The following VLDLR variants were observed in gnomAD, a reference collection of about 807,000 sequenced individuals.
VLDLR encodes the protein very low-density lipoprotein receptor.
Under a neutral mutation model 112.7 loss-of-function variants are expected in VLDLR, and 81 were observed. The ratio of observed to expected loss-of-function variants is 0.72; its 90% confidence interval spans 0.60 to 0.86. The LOEUF (loss-of-function observed/expected upper bound fraction) is 0.86. Among genes scored for constraint, VLDLR ranks in the 40% least tolerant of loss-of-function variants. The pLI, the probability that VLDLR is intolerant of heterozygous loss-of-function variation, is 0.00. For synonymous variants in VLDLR, 436 were observed against 384.8 expected (o/e 1.13, Z -1.56); for missense variants, 1,237 against 1,099.4 (o/e 1.13, Z -1.77).
intron 17 of VLDLR, 51 bp downstream of exon 17, chr9:2,652,005 T>G (rs112257609): frequency 6.3e-6 from 10 of 1,578,770 alleles, no homozygotes; most frequent in Non-Finnish European, 8.7e-6. Flanking sequence ...AGATACCAGA[T>G]GAAGATTTTT....
At chr9:2,649,138 C>A (rs1301669751) in intron 14 of VLDLR, among the ~76,000 whole-genome samples, 1 of 152,164 alleles carries the variant, frequency 6.6e-6, no homozygotes, top group Non-Finnish European at 1.5e-5. Flanking sequence ...TACAAGCTTT[C>A]TCTACTGTTA....
At chr9:2,637,835 C>G (rs948487889) in intron 2 of VLDLR, among the ~76,000 whole-genome samples, 7 of 152,122 alleles carry the variant, frequency 4.6e-5, no homozygotes, top group Non-Finnish European at 7.4e-5. Flanking sequence ...CCCAGCTACT[C>G]GGGAGGCTGA....
chr9:2,646,503 A>C lies in VLDLR; in HGVS notation c.1654A>C (p.Asn552His). 1 of 1,614,108 alleles carries C rather than the reference A, an allele frequency of 6.2e-7. No individual in the cohort carries two copies. Among genetic ancestry groups the C allele is most frequent in the East Asian group, 2.2e-5 (1 of 44,884 alleles). ...TGGAACCAAGAGGAAGTTCCTGTTT[A>C]ACTCTGACTTGCGAGAGCCTGCCTC... is the stretch of plus-strand genomic sequence containing the variant. ...LDGTKRKFLF[N>H]SDLREPASIA... Residue 552 changes from asparagine (N) to histidine (H), a missense_variant, in exon 11 of 19, where the codon AAC becomes CAC. Physicochemically the swap from Asn to His is moderately conservative, Grantham distance 68. Transcript: ENST00000382100.
intron 1 of VLDLR, among the ~76,000 whole-genome samples, chr9:2,633,293 T>A (rs1332474311): frequency 6.6e-6 from 1 of 152,174 alleles, no homozygotes; most frequent in Non-Finnish European, 1.5e-5. Flanking sequence ...TAGAATTTAT[T>A]ACTGTTGATA....
At position 2,659,046 on chromosome 9, in the gene VLDLR, C is replaced by G. The variant is rs1232972981; in HGVS notation, c.*5178C>G. 6.6e-6 allele frequency: 1 copy of G among 152,176 alleles called. No homozygotes were observed. Among genetic ancestry groups the G allele is most frequent in the Non-Finnish European group, 1.5e-5 (1 of 68,042 alleles). 9.4% of individuals were successfully genotyped at this position (152,176 alleles called of 1,614,324 possible). On this transcript the variant is annotated 3_prime_UTR_variant, in exon 19 of 19. Transcript: ENST00000382100. ...ATGGAAACAAATATTTGGGAGCCTGCATAGTCTTTAGATGGCTGCCAAAGC... is the reference window on the plus strand; with the variant it reads ...ATGGAAACAAATATTTGGGAGCCTGGATAGTCTTTAGATGGCTGCCAAAGC...
In VLDLR at chr9:2,654,951, G is replaced by C. The variant is rs1563771404; in HGVS notation, c.*1083G>C. On this transcript the variant is annotated 3_prime_UTR_variant, in exon 19 of 19. Transcript: ENST00000382100. ...GAGGATAGCAAGCAATGGCATTCTT[G>C]AACAGTCTAAGGCAGGTTTCTCAGT... 6.6e-6 allele frequency: 1 copy of C among 152,174 alleles called. No homozygotes were observed. Among genetic ancestry groups the C allele is most frequent in the Non-Finnish European group, 1.5e-5 (1 of 68,036 alleles). 9.4% of individuals were successfully genotyped at this position (152,174 alleles called of 1,614,324 possible).
intron 3 of VLDLR, among the ~76,000 whole-genome samples, chr9:2,640,588 T>C (rs1279520271): frequency 2.0e-5 from 3 of 152,182 alleles, no homozygotes; most frequent in Non-Finnish European, 4.4e-5. Context: ...TTTGGGATCA[T>C]ATAAATTGAG....
intron 15 of VLDLR, among the ~76,000 whole-genome samples, chr9:2,651,119 A>G (rs1489534039): frequency 6.6e-6 from 1 of 152,158 alleles, no homozygotes; most frequent in African/African-American, 2.4e-5. Context: ...TCTTGAGAAC[A>G]TTTCTCGTAG....
intron 1 of VLDLR, among the ~76,000 whole-genome samples, chr9:2,633,515 T>G (rs1054379627): frequency 1.3e-5 from 2 of 152,176 alleles, no homozygotes; most frequent in African/African-American, 4.8e-5. Flanking sequence ...TTTAAGTTGC[T>G]ATTCAAATCT....
chr9:2,632,810 G>C (rs1427823859), intron 1 of VLDLR, among the ~76,000 whole-genome samples: 1 of 152,276 alleles, frequency 6.6e-6, no homozygotes, highest in East Asian at 1.9e-4. Flanking sequence ...GAACTAGGGA[G>C]CACTTTCTGC....
intron 16 of VLDLR, 85 bp from the exon 17 acceptor site, chr9:2,651,789 A>G: frequency 1.4e-6 from 2 of 1,463,152 alleles, no homozygotes; most frequent in Non-Finnish European, 1.9e-6. Context: ...TATTGGATGC[A>G]AAGGTTTTGG....
chr9:2,633,408 A>C (rs1045116709), intron 1 of VLDLR, among the ~76,000 whole-genome samples: 11 of 152,120 alleles, frequency 7.2e-5, no homozygotes, highest in Non-Finnish European at 1.2e-4. Context: ...GGCCACTCTG[A>C]GTGCCTAGGA....
chr9:2,647,131 T>C (rs1191707951), intron 11 of VLDLR, among the ~76,000 whole-genome samples: 1 of 147,104 alleles, frequency 6.8e-6, no homozygotes, highest in Non-Finnish European at 1.5e-5. Flanking sequence ...GCAGCCTCAT[T>C]AGAACTCAGT....
At chr9:2,650,584 G>T (rs540378215) in intron 15 of VLDLR, 68 bp downstream of exon 15, 3 of 1,593,992 alleles carry the variant, frequency 1.9e-6, no homozygotes, top group Non-Finnish European at 2.6e-6. Context: ...CACAAGCTTG[G>T]ATTTTTAAGA....
chr9:2,646,602 T>C (rs1418797416), intron 11 of VLDLR, 50 bp downstream of exon 11: 1 of 1,544,624 alleles, frequency 6.5e-7, no homozygotes, highest in East Asian at 2.3e-5. Context: ...TCTGTGTAGG[T>C]CAGGAGCTTT....
rs768188277 is a variant in VLDLR at position 2,652,871 on chromosome 9, G to A, written c.2508G>A (p.Val836=). The A allele has an allele frequency of 2.0e-5, 33 of 1,614,102 alleles. No individual in the cohort carries two copies. Among genetic ancestry groups the A allele is most frequent in the South Asian group, 5.5e-5 (5 of 91,076 alleles). ...AAAGCATGAACTTTGACAATCCTGT[G>A]TACTTGAAAACCACTGAAGAGGACC... ...NMKSMNFDNP[V]YLKTTEEDLS... is the part of the protein sequence containing the mutation. The change falls in exon 18 of 19, where the codon GTG becomes GTA. Residue 836 remains valine, a synonymous_variant. Coordinates refer to ENST00000382100, the MANE Select transcript of VLDLR (RefSeq NM_003383.5).
At chr9:2,633,660 C>T (rs935809747) in intron 1 of VLDLR, among the ~76,000 whole-genome samples, 3 of 152,032 alleles carry the variant, frequency 2.0e-5, no homozygotes, top group Non-Finnish European at 4.4e-5. Context: ...ATCTTAACTC[C>T]AACCTGACTA....
intron 4 of VLDLR, among the ~76,000 whole-genome samples, chr9:2,641,751 T>C (rs892392738): frequency 9.2e-5 from 14 of 152,110 alleles, no homozygotes; most frequent in East Asian, 1.9e-4. Context: ...AAGGCACTTA[T>C]ATATAGAAGT....
intron 4 of VLDLR, among the ~76,000 whole-genome samples, chr9:2,642,822 A>G (rs1214448875): frequency 6.6e-6 from 1 of 152,224 alleles, no homozygotes; most frequent in Non-Finnish European, 1.5e-5. Flanking sequence ...TGATTCAAGG[A>G]CAACTCAATC....
Sources: allele counts gnomAD v4.1 joint callset (sites outside exome capture counted in the v4.1 genomes callset), GRCh38; gene constraint gnomAD v4.1.1; transcripts MANE v1.5; gene names NCBI Gene and HGNC (gene_info 2026-07-23, HGNC 2026-07-21).